TENM1: variants seen among roughly 807,000 people sequenced by gnomAD.
TENM1 encodes teneurin-1.
A neutral mutation model predicts 174.8 loss-of-function variants in TENM1; 35 were observed. The observed-to-expected ratio is 0.20, with a 90% CI of 0.15 to 0.27. The LOEUF (loss-of-function observed/expected upper bound fraction) is 0.27, where lower values mean the gene tolerates loss of function less well. Ranked by LOEUF, TENM1 falls within the 10% of genes least tolerant of loss-of-function variation. The pLI is 1.00. For missense variants in TENM1, 1,633 were observed against 2,130.1 expected, an observed-to-expected ratio of 0.77 and a Z score of 4.59; for synonymous variants, 781 against 798.7, an observed-to-expected ratio of 0.98 and a Z score of 0.37.
At chrX:124,439,704 C>A (rs775991485) in intron 23 of TENM1, among the ~76,000 whole-genome samples, 1 of 110,937 alleles carries the variant, frequency 9.0e-6, no homozygotes, top group East Asian at 2.8e-4. Context: ...CTTCTTGGTC[C>A]CTTTTAGTTT....
At chrX:125,111,629 A>T in the TENM1 span, among the ~76,000 whole-genome samples, 26,356 of 110,951 alleles carry the variant, frequency 0.24, 4,656 homozygotes, top group African/African-American at 0.62. Flanking sequence ...ATAATTATTA[A>T]CTGCATTTTA....
chrX:124,805,365 T>C (rs2147248938), intron 3 of TENM1, among the ~76,000 whole-genome samples: 1 of 112,281 alleles, frequency 8.9e-6, no homozygotes, highest in East Asian at 2.8e-4. Context: ...CAATATATAA[T>C]AGTTCTAACC....
intron 3 of TENM1, among the ~76,000 whole-genome samples, chrX:124,747,803 C>T (rs2053959560): frequency 9.1e-6 from 1 of 110,400 alleles, no homozygotes; most frequent in African/African-American, 3.3e-5. Flanking sequence ...GAGGTCTGGA[C>T]CAGAGCAGAC....
At chrX:124,776,216 A>G (rs1433742005) in intron 3 of TENM1, among the ~76,000 whole-genome samples, 1 of 112,011 alleles carries the variant, frequency 8.9e-6, no homozygotes, top group Non-Finnish European at 1.9e-5. Flanking sequence ...CCCTTGCTGA[A>G]AGAATTATGA....
chrX:124,885,895 G>A (rs1457126327), intron 3 of TENM1, among the ~76,000 whole-genome samples: 3 of 111,136 alleles, frequency 2.7e-5, no homozygotes, highest in East Asian at 5.6e-4. Flanking sequence ...TTCAAATTGT[G>A]AGCTATTCTG....
At chrX:124,672,968 G>A (rs992778186) in intron 5 of TENM1, among the ~76,000 whole-genome samples, 6 of 111,702 alleles carry the variant, frequency 5.4e-5, no homozygotes, top group African/African-American at 2.0e-4. Context: ...TTTTTTTTAT[G>A]ATTTCTGTGT....
chrX:124,724,665 A>T (rs1216685045), intron 4 of TENM1, among the ~76,000 whole-genome samples: 2 of 111,558 alleles, frequency 1.8e-5, no homozygotes, highest in Non-Finnish European at 3.8e-5. Context: ...GCATGGTGGC[A>T]TGCACCTGTG....
chrX:124,417,700 G>T (rs993556434), intron 25 of TENM1, among the ~76,000 whole-genome samples: 2 of 111,008 alleles, frequency 1.8e-5, no homozygotes, highest in African/African-American at 6.6e-5. Flanking sequence ...ATATCCAATT[G>T]TCTACCTGAT....
rs182903890 is a variant in TENM1 at position 124,724,805 on chromosome X, A to G, written c.776+12152T>C. Among the ~76,000 whole-genome samples the G allele has an allele frequency of 2.6e-3, 295 of 111,464 alleles. 1 individual carries two copies. Among genetic ancestry groups the G allele is most frequent in the African/African-American group, 8.8e-3 (270 of 30,700 alleles). ...GGCAAGATCCTGTCTCAAAAAAGAA[A>G]TCATATGTTGAAATCGAATCCCCAA... On this transcript the variant is annotated intron_variant, in intron 4 of 31. Transcript: ENST00000422452.
the TENM1 span, among the ~76,000 whole-genome samples, chrX:125,049,047 G>A: frequency 3.6e-5 from 4 of 111,768 alleles, no homozygotes; most frequent in East Asian, 8.5e-4. Context: ...ACACATAAGT[G>A]CTCAATGTTG....
chrX:125,066,607 T>C, the TENM1 span, among the ~76,000 whole-genome samples: 3 of 111,873 alleles, frequency 2.7e-5, no homozygotes. Flanking sequence ...TGGTCTCTAA[T>C]GTCACTTTCA....
intron 15 of TENM1, among the ~76,000 whole-genome samples, chrX:124,535,560 T>G (rs139745286): frequency 1.8e-5 from 2 of 111,969 alleles, no homozygotes; most frequent in African/African-American, 3.2e-5. Context: ...TTAGTCCAAT[T>G]TATTTGTCCC....
chrX:124,800,660 CT>C (rs1191416010), intron 3 of TENM1, among the ~76,000 whole-genome samples: 2 of 111,611 alleles, frequency 1.8e-5, no homozygotes. Flanking sequence ...TTTGTTTCCT[CT>C]TGCTTCTGTG....
chrX:124,408,403 CA>C (rs1195283011), intron 25 of TENM1, among the ~76,000 whole-genome samples: 1 of 111,683 alleles, frequency 9.0e-6, no homozygotes, highest in African/African-American at 3.3e-5. Flanking sequence ...CTCAGCCTCC[CA>C]AAGTGCTGGT....
At chrX:125,144,014 G>A in the TENM1 span, among the ~76,000 whole-genome samples, 1 of 111,491 alleles carries the variant, frequency 9.0e-6, no homozygotes, top group Non-Finnish European at 1.9e-5. Context: ...GTTCCCCACT[G>A]AATTGTAGAA....
At chrX:124,701,609 C>T (rs1201885712) in intron 5 of TENM1, among the ~76,000 whole-genome samples, 2 of 112,356 alleles carry the variant, frequency 1.8e-5, no homozygotes, top group Non-Finnish European at 3.8e-5. Context: ...TAAGGACATA[C>T]TTTTTGATTC....
chrX:124,609,199 G>A (rs751164172), intron 11 of TENM1, among the ~76,000 whole-genome samples: 3 of 111,442 alleles, frequency 2.7e-5, no homozygotes, highest in Admixed American at 9.5e-5. Flanking sequence ...GCCATAGATC[G>A]TACAAGTTGG....
At chrX:125,047,291 T>C in the TENM1 span, among the ~76,000 whole-genome samples, 7 of 111,844 alleles carry the variant, frequency 6.3e-5, no homozygotes, top group African/African-American at 2.3e-4. Context: ...AATAACAATA[T>C]TGTTTCCCCT....
At chrX:124,951,637 AAAAT>A (rs2058485814) in intron 1 of TENM1, among the ~76,000 whole-genome samples, 1 of 35,781 alleles carries the variant, frequency 2.8e-5, no homozygotes, top group African/African-American at 8.4e-5. Flanking sequence ...ATGAAAAGTT[AAAAT>A]ATATATATAT....
Sources: gnomAD v4.1 joint callset for allele counts (sites outside exome capture counted in the v4.1 genomes callset) on GRCh38, gnomAD v4.1.1 for gene constraint, MANE v1.5 for transcripts, NCBI Gene and HGNC (gene_info 2026-07-23, HGNC 2026-07-21) for gene names.